Variants in PSMA6 observed in about 807,000 individuals in gnomAD.
PSMA6 encodes proteasome 20S subunit alpha 6.
For missense variants in PSMA6, 170 were observed against 294.8 expected (o/e 0.58, Z 3.10); for synonymous variants, 88 against 97.7 (o/e 0.90, Z 0.59).
In PSMA6 at chr14:35,300,551, C is replaced by A. The variant is rs35001720; in HGVS notation, c.77-7443C>A. On this transcript the variant is annotated intron_variant, in intron 1 of 6. Coordinates refer to ENST00000261479, the MANE Select transcript of PSMA6 (RefSeq NM_002791.3). ...GCTCAGTATCAGTAATTCATATAAA[C>A]CCTAATGAGTGAATTAAGGTAATAA... Among the ~76,000 whole-genome samples the A allele has an allele frequency of 5.6e-3, 856 of 152,184 alleles. 13 individuals are homozygous for A. The highest frequency in any genetic ancestry group is 5.9e-3 in the Non-Finnish European group (403 of 68,016).
chr14:35,291,463 GC>G (rs1386757530), upstream of PSMA6, among the ~76,000 whole-genome samples: 5 of 151,922 alleles, frequency 3.3e-5, no homozygotes, highest in African/African-American at 1.2e-4. Context: ...CTCGTGATCC[GC>G]CCGCCTTGGT....
intron 1 of PSMA6, among the ~76,000 whole-genome samples, chr14:35,299,465 G>A (rs953391442): frequency 2.6e-5 from 4 of 151,628 alleles, no homozygotes; most frequent in African/African-American, 7.3e-5. Flanking sequence ...GGGATTACAG[G>A]CGCCTGCCAC....
chr14:35,287,909 C>T (rs187338741), upstream of PSMA6, among the ~76,000 whole-genome samples: 3 of 124,738 alleles, frequency 2.4e-5, no homozygotes, highest in East Asian at 2.4e-4. Flanking sequence ...TTCACGAAGT[C>T]GGCTTCCAGG....
chr14:35,317,315 G>T lies in PSMA6; in HGVS notation c.*9G>T, dbSNP rs761458100. 3.7e-6 allele frequency: 6 copies of T among 1,600,724 alleles called. No individual in the cohort carries two copies. Among genetic ancestry groups the T allele is most frequent in the Non-Finnish European group, 5.1e-6 (6 of 1,169,448 alleles). On this transcript the variant is annotated 3_prime_UTR_variant, in exon 7 of 7. Coordinates refer to ENST00000261479, the MANE Select transcript of PSMA6 (RefSeq NM_002791.3). ...TAGCAGAGAGAGACTAAACATTGTC[G>T]TTAGTTTACCAGATCCGTGATGCCA...
intron 1 of PSMA6, among the ~76,000 whole-genome samples, chr14:35,281,346 T>A (rs2051364525): frequency 6.6e-6 from 1 of 152,162 alleles, no homozygotes; most frequent in Admixed American, 6.6e-5. Flanking sequence ...CAGTCTTAAC[T>A]CTGCAAAGGT....
chr14:35,299,522 A>C (rs2051669776), intron 1 of PSMA6, among the ~76,000 whole-genome samples: 1 of 149,900 alleles, frequency 6.7e-6, no homozygotes. Context: ...GTGTTTCACT[A>C]TGTTGGTTAG....
chr14:35,303,343 A>G (rs1354964358), intron 1 of PSMA6, among the ~76,000 whole-genome samples: 1 of 152,064 alleles, frequency 6.6e-6, no homozygotes, highest in African/African-American at 2.4e-5. Flanking sequence ...GGCAGTGTTT[A>G]TATATAGAAG....
chr14:35,314,743 TC>T (rs56976493), intron 6 of PSMA6: 60,428 of 182,804 alleles, frequency 0.33, 10,929 homozygotes, highest in East Asian at 0.65. Flanking sequence ...ATAAGTGTTT[TC>T]TTTTTTTTAG....
chr14:35,296,005 C>T (rs990472848), intron 1 of PSMA6, among the ~76,000 whole-genome samples: 4 of 152,012 alleles, frequency 2.6e-5, no homozygotes, highest in Non-Finnish European at 4.4e-5. Context: ...GAGGAGTGGT[C>T]ATTTGGATTT....
intron 3 of PSMA6, among the ~76,000 whole-genome samples, chr14:35,309,859 C>T (rs1353424477): frequency 6.6e-6 from 1 of 152,092 alleles, no homozygotes; most frequent in Non-Finnish European, 1.5e-5. Context: ...GTAATCCCAA[C>T]TACTCAGGAG....
intron 2 of PSMA6, 189 bp from the exon 3 acceptor site, chr14:35,308,725 C>T: frequency 2.0e-6 from 1 of 487,840 alleles, no homozygotes; most frequent in South Asian, 3.0e-5. Context: ...GTAAATAGAG[C>T]CCCTCGAAAC....
At chr14:35,289,578 G>C (rs2051455492), upstream of PSMA6, among the ~76,000 whole-genome samples, 1 of 151,932 alleles carries the variant, frequency 6.6e-6, no homozygotes, top group South Asian at 2.1e-4. Context: ...GACCTCAAAT[G>C]ATCCACCCAC....
intron 6 of PSMA6, chr14:35,315,420 C>A (rs919963391): frequency 6.6e-6 from 1 of 151,296 alleles, no homozygotes; most frequent in African/African-American, 2.4e-5. Context: ...CAGCTGGGTG[C>A]TGTGGCATGC....
intron 1 of PSMA6, among the ~76,000 whole-genome samples, chr14:35,299,974 T>G (rs936876128): frequency 2.0e-5 from 3 of 152,246 alleles, no homozygotes; most frequent in South Asian, 4.1e-4. Flanking sequence ...ATAAGGAAAT[T>G]TGGGGGACCA....
chr14:35,280,512 G>A (rs887062397), intron 1 of PSMA6, among the ~76,000 whole-genome samples: 2 of 151,612 alleles, frequency 1.3e-5, no homozygotes, highest in African/African-American at 4.9e-5. Flanking sequence ...CTCCCAAGTA[G>A]CTGGGATTAC....
intron 6 of PSMA6, 42 bp from the exon 7 acceptor site, chr14:35,317,207 T>A (rs771881061): frequency 2.7e-5 from 42 of 1,551,546 alleles, no homozygotes; most frequent in Middle Eastern, 1.7e-4. Context: ...TTTGAAAAAA[T>A]TTTTTTTAAA....
At chr14:35,305,809 TA>T (rs1331150908) in intron 1 of PSMA6, among the ~76,000 whole-genome samples, 11 of 152,352 alleles carry the variant, frequency 7.2e-5, no homozygotes, top group African/African-American at 2.6e-4. Context: ...GATTACAAAA[TA>T]TGTGCCCAGG....
chr14:35,287,570 G>A (rs10146691), upstream of PSMA6, among the ~76,000 whole-genome samples: 7,987 of 152,144 alleles, frequency 0.052, 471 homozygotes, highest in African/African-American at 0.15. Flanking sequence ...TTGCCTTGTG[G>A]GTAACCCTTA....
At chr14:35,285,061 A>G (rs760412464) in intron 1 of PSMA6, among the ~76,000 whole-genome samples, 2 of 152,204 alleles carry the variant, frequency 1.3e-5, no homozygotes, top group Non-Finnish European at 2.9e-5. Context: ...CAAGTAGAAA[A>G]TAAAACTGGA....
Sources: allele counts gnomAD v4.1 joint callset (sites outside exome capture counted in the v4.1 genomes callset), GRCh38; gene constraint gnomAD v4.1.1; transcripts MANE v1.5; gene names NCBI Gene and HGNC (gene_info 2026-07-23, HGNC 2026-07-21).